Variants in TNPO1 observed in about 807,000 individuals in gnomAD.
TNPO1 encodes the protein transportin-1.
Under a neutral mutation model 119.5 loss-of-function variants are expected in TNPO1, and 8 were observed. That is an observed-to-expected ratio of 0.07 (90% CI 0.04 to 0.12). TNPO1 has a LOEUF of 0.12. Ranked by LOEUF, TNPO1 falls within the 10% of genes least tolerant of loss-of-function variation. The pLI is 1.00. For synonymous variants in TNPO1, 362 were observed against 363.0 expected (o/e 1.00, Z 0.03); for missense variants, 576 against 1,089.8 (o/e 0.53, Z 6.64).
chr5:72,862,639 G>GT (rs1246146920), intron 5 of TNPO1, among the ~76,000 whole-genome samples: 5 of 149,460 alleles, frequency 3.3e-5, no homozygotes, highest in East Asian at 2.0e-4. Flanking sequence ...ACTTGTCTTC[G>GT]TTTTTTTTGT....
chr5:72,898,572 A>G (rs1749606104), intron 20 of TNPO1, among the ~76,000 whole-genome samples: 1 of 152,126 alleles, frequency 6.6e-6, no homozygotes, highest in African/African-American at 2.4e-5. Flanking sequence ...AATCATTGTC[A>G]ATGGCTAATA....
chr5:72,856,383 C>A (rs1746000465), intron 4 of TNPO1, among the ~76,000 whole-genome samples: 1 of 152,106 alleles, frequency 6.6e-6, no homozygotes, highest in Non-Finnish European at 1.5e-5. Context: ...AGGCACCCGC[C>A]ACCATGCCTG....
intron 18 of TNPO1, 93 bp from the exon 19 acceptor site, chr5:72,896,365 G>T: frequency 1.5e-6 from 1 of 685,258 alleles, no homozygotes; most frequent in African/African-American, 1.9e-5. Context: ...GTTATTTCTT[G>T]CTTAGATTTC....
chr5:72,905,454 T>C lies in TNPO1; in HGVS notation c.*35+9T>C, dbSNP rs1288611212. The C allele has an allele frequency of 2.8e-6, 4 of 1,420,062 alleles. No homozygotes were observed. The highest frequency in any genetic ancestry group is 9.7e-7 in the Non-Finnish European group (1 of 1,032,880). 88.0% of individuals were successfully genotyped at this position (1,420,062 alleles called of 1,614,324 possible). On this transcript the variant is annotated intron_variant, in intron 24 of 24. Coordinates refer to ENST00000337273, the MANE Select transcript of TNPO1 (RefSeq NM_002270.4). ...CAGTCCCAAAATTAGGGGTAAGTTA[T>C]AAGAAGTTTGGAAATTTTCAGGATG... is the stretch of plus-strand genomic sequence containing the variant.
At chr5:72,875,875 G>A (rs888501711) in intron 8 of TNPO1, 138 bp downstream of exon 8, 1 of 1,112,022 alleles carries the variant, frequency 9.0e-7, no homozygotes, top group Non-Finnish European at 1.2e-6. Context: ...TCTTTGTGGG[G>A]AGTTTTGTAT....
chr5:72,821,751 T>C (rs566471095), intron 1 of TNPO1, among the ~76,000 whole-genome samples: 2 of 152,270 alleles, frequency 1.3e-5, no homozygotes, highest in South Asian at 4.1e-4. Flanking sequence ...AGGCCAGTAA[T>C]AGATTCGTTG....
intron 3 of TNPO1, among the ~76,000 whole-genome samples, chr5:72,852,235 GAGT>G (rs1745634302): frequency 6.6e-6 from 1 of 152,126 alleles, no homozygotes; most frequent in Admixed American, 6.5e-5. Context: ...TTTAAAGCCT[GAGT>G]AGTCTGATTT....
At position 72,877,253 on chromosome 5, in the gene TNPO1, A is replaced by G. The variant is rs759608860; in HGVS notation, c.827A>G (p.Gln276Arg). ...VEYMLQRTQD[Q>R]DENVALEACE... is the part of the protein sequence containing the mutation. ...TACATGCTACAGAGGACTCAAGATC[A>G]AGATGAAAATGTGGCTTTAGAAGCC... Residue 276 changes from glutamine (Q) to arginine (R), a missense_variant, in exon 9 of 25, where the codon CAA becomes CGA. Gln to Arg is a conservative substitution (Grantham distance 43, BLOSUM62 1). Around this residue, in one of 6 missense-constraint regions of TNPO1, gnomAD observed 310 missense variants for 583.0 expected, o/e 0.53. Coordinates refer to ENST00000337273, the MANE Select transcript of TNPO1 (RefSeq NM_002270.4). 54 of 1,611,622 alleles carry G rather than the reference A, an allele frequency of 3.4e-5. 1 individual carries two copies. The Middle Eastern group carries it at 6.8e-4, about 20-fold the overall frequency.
chr5:72,861,576 G>A (rs1023728997), intron 4 of TNPO1, among the ~76,000 whole-genome samples: 1 of 152,076 alleles, frequency 6.6e-6, no homozygotes, highest in Non-Finnish European at 1.5e-5. Context: ...TGATTTTCTT[G>A]TATTTTTAGT....
At chr5:72,863,287 C>CA (rs1425430304) in intron 5 of TNPO1, among the ~76,000 whole-genome samples, 1 of 151,846 alleles carries the variant, frequency 6.6e-6, no homozygotes, top group African/African-American at 2.4e-5. Context: ...CTGTCAACAA[C>CA]AAAAAAACCC....
At chr5:72,868,208 G>A (rs1258280726) in intron 6 of TNPO1, among the ~76,000 whole-genome samples, 2 of 151,866 alleles carry the variant, frequency 1.3e-5, no homozygotes, top group Non-Finnish European at 2.9e-5. Context: ...CGAGGCAGGC[G>A]GATCACGAGG....
chr5:72,910,534 A>G lies in TNPO1; in HGVS notation c.*1861A>G, dbSNP rs1180421008. ...TGAAGCCACGCCTTTCCATTTTTCA[A>G]TGCTGCATATTTAATCTGCAACAAA... On this transcript the variant is annotated 3_prime_UTR_variant, in exon 25 of 25. Coordinates refer to ENST00000337273, the MANE Select transcript of TNPO1 (RefSeq NM_002270.4). 1 of 152,632 alleles carries G rather than the reference A, an allele frequency of 6.6e-6. No homozygotes were observed. Among genetic ancestry groups the G allele is most frequent in the Non-Finnish European group, 1.5e-5 (1 of 68,016 alleles). The allele number at this position is 152,632 out of a possible 1,614,324, so 9.5% of individuals were successfully genotyped here.
chr5:72,845,435 G>C (rs1269441169), intron 1 of TNPO1, among the ~76,000 whole-genome samples: 4 of 152,166 alleles, frequency 2.6e-5, no homozygotes, highest in African/African-American at 7.2e-5. Flanking sequence ...CAGGGTATAA[G>C]ATTCTTCCTT....
At chr5:72,872,258 A>G (rs1488769927) in intron 6 of TNPO1, among the ~76,000 whole-genome samples, 1 of 152,236 alleles carries the variant, frequency 6.6e-6, no homozygotes, top group Non-Finnish European at 1.5e-5. Context: ...TGCATATGCC[A>G]GAACACATGG....
chr5:72,872,582 C>T, intron 6 of TNPO1, 57 bp from the exon 7 acceptor site: 1 of 1,261,520 alleles, frequency 7.9e-7, no homozygotes, highest in East Asian at 2.4e-5. Flanking sequence ...TACCAATTTT[C>T]TATAGATAGA....
At chr5:72,884,473 AATAAT>A (rs1452677495) in intron 11 of TNPO1, among the ~76,000 whole-genome samples, 2 of 152,186 alleles carry the variant, frequency 1.3e-5, no homozygotes, top group East Asian at 3.8e-4. Context: ...GTAATTCTAA[AATAAT>A]ATAAGTTGCT....
rs1749439370 is a variant in TNPO1 at position 72,896,523 on chromosome 5, A to G, written c.2209A>G (p.Thr737Ala). The G allele has an allele frequency of 6.2e-7, 1 of 1,611,930 alleles. No homozygotes were observed. Among genetic ancestry groups the G allele is most frequent in the South Asian group, 1.1e-5 (1 of 90,976 alleles). Residue 737 changes from threonine (T) to alanine (A), a missense_variant, in exon 19 of 25, where the codon ACA (threonine) becomes GCA (alanine). Physicochemically the swap from Thr to Ala is moderately conservative, Grantham distance 58. Around this residue, in one of 6 missense-constraint regions of TNPO1, gnomAD observed 162 missense variants for 294.1 expected, o/e 0.55. Coordinates refer to ENST00000337273, the MANE Select transcript of TNPO1 (RefSeq NM_002270.4). ...ATTCATTTCAGTCTGCAACAATGCC[A>G]CATGGGCAATTGGAGAAATCTCCAT... ...PEFISVCNNA[T>A]WAIGEISIQM...
chr5:72,887,528 T>TC (rs1244033069), intron 12 of TNPO1, among the ~76,000 whole-genome samples: 35 of 152,144 alleles, frequency 2.3e-4, no homozygotes, highest in Non-Finnish European at 1.5e-5. Flanking sequence ...CTGCTAAAAA[T>TC]ACAAAAATTA....
chr5:72,850,827 A>G (rs1326922291), intron 2 of TNPO1, among the ~76,000 whole-genome samples: 1 of 152,174 alleles, frequency 6.6e-6, no homozygotes, highest in Non-Finnish European at 1.5e-5. Context: ...GTTATTCTAT[A>G]AAGTTAATTT....
Sources: allele counts gnomAD v4.1 joint callset (sites outside exome capture counted in the v4.1 genomes callset), GRCh38; gene constraint gnomAD v4.1.1; regional missense constraint gnomAD v4.1.1; transcripts MANE v1.5; gene names NCBI Gene and HGNC (gene_info 2026-07-23, HGNC 2026-07-21).